GRAMD1B: variants seen among roughly 807,000 people sequenced by gnomAD.
The protein encoded by GRAMD1B is GRAM domain containing 1B, also known as protein Aster-B.
A neutral mutation model predicts 99.7 loss-of-function variants in GRAMD1B; 37 were observed. That is an observed-to-expected ratio of 0.37 (90% CI 0.29 to 0.49). The LOEUF (loss-of-function observed/expected upper bound fraction) is 0.49, where lower values mean the gene tolerates loss of function less well. Ranked by LOEUF, GRAMD1B falls within the 20% of genes least tolerant of loss-of-function variation. The pLI is 0.98. For missense variants in GRAMD1B, 888 were observed against 1,009.2 expected, an observed-to-expected ratio of 0.88 and a Z score of 1.63; for synonymous variants, 427 against 387.6, an observed-to-expected ratio of 1.10 and a Z score of -1.19.
intron 1 of GRAMD1B, among the ~76,000 whole-genome samples, chr11:123,388,681 T>TTAAA (rs1444307896): frequency 3.3e-5 from 5 of 149,446 alleles, no homozygotes; most frequent in African/African-American, 1.3e-4. Context: ...AGACCCTGTT[T>TTAAA]CAAACAAACA....
In GRAMD1B at chr11:123,598,295, G is replaced by A. The variant is rs1951535559; in HGVS notation, c.970-2173G>A. 3.8e-6 allele frequency: 5 copies of A among 1,299,448 alleles called. No homozygotes were observed. In the South Asian group the frequency reaches 5.9e-5, roughly 15 times the overall value. 80.5% of individuals were successfully genotyped at this position (1,299,448 alleles called of 1,614,324 possible). ...CAGTAGGGAATGGGTTTGCCAAGTG[G>A]CCAAGTGGCAGGTTTTTGGGGTTGT... On this transcript the variant is annotated intron_variant, in intron 7 of 19. Coordinates refer to ENST00000635736, the MANE Select transcript of GRAMD1B (RefSeq NM_001387025.1).
At chr11:123,582,168 C>G (rs919383782) in intron 3 of GRAMD1B, among the ~76,000 whole-genome samples, 1 of 152,208 alleles carries the variant, frequency 6.6e-6, no homozygotes, top group Non-Finnish European at 1.5e-5. Flanking sequence ...TGGGAGGTGT[C>G]TTTTGTAATG....
intron 2 of GRAMD1B, among the ~76,000 whole-genome samples, chr11:123,485,135 G>A (rs1041991881): frequency 3.3e-5 from 5 of 152,096 alleles, no homozygotes; most frequent in Admixed American, 2.0e-4. Flanking sequence ...TCAAGGATGA[G>A]GTGGATATTA....
rs1200744881 is a variant in GRAMD1B at position 123,621,884 on chromosome 11, CTT to C, written c.2545-620_2545-619del. Among the ~76,000 whole-genome samples the C allele has an allele frequency of 1.3e-3, 76 of 56,432 alleles. No individual in the cohort carries two copies. The South Asian group carries it at 0.023, about 17-fold the overall frequency. 37.0% of individuals were successfully genotyped at this position (56,432 alleles called of 152,430 possible). ...TTCTTTCTTTTCTTTCTTTCTTTTTCTTTCTTTCTTTCTTTTTCTCTTTCTTT... is the reference window on the plus strand; with the variant it reads ...TTCTTTCTTTTCTTTCTTTCTTTTTCTCTTTCTTTCTTTTTCTCTTTCTTT... On this transcript the variant is annotated intron_variant, in intron 19 of 19. Coordinates refer to ENST00000635736, the MANE Select transcript of GRAMD1B (RefSeq NM_001387025.1).
chr11:123,540,450 A>G lies in GRAMD1B; in HGVS notation c.453-36917A>G, dbSNP rs1004244843. 7.2e-4 allele frequency among the ~76,000 whole-genome samples: 109 copies of G among 152,308 alleles called. 1 individual carries two copies. The highest frequency in any genetic ancestry group is 2.6e-3 in the African/African-American group (107 of 41,586). The stretch of plus-strand genomic sequence containing the variant: ...AGGCTTTACACATAGTTGGTGCTCA[A>G]AAAGTATTTGCTGGATAATTGATGA... On this transcript the variant is annotated intron_variant, in intron 2 of 19. Transcript: ENST00000635736.
intron 1 of GRAMD1B, among the ~76,000 whole-genome samples, chr11:123,407,916 C>T (rs967213917): frequency 1.3e-5 from 2 of 152,150 alleles, no homozygotes; most frequent in Non-Finnish European, 2.9e-5. Flanking sequence ...GGCTCATTGC[C>T]CACTAAGGGA....
intron 2 of GRAMD1B, among the ~76,000 whole-genome samples, chr11:123,533,072 C>G (rs868520435): frequency 6.6e-6 from 1 of 152,190 alleles, no homozygotes. Flanking sequence ...CTGGTTCAAG[C>G]GATTCTCCTG....
intron 8 of GRAMD1B, 39 bp downstream of exon 8, chr11:123,600,587 T>C (rs1306050025): frequency 7.6e-7 from 1 of 1,310,532 alleles, no homozygotes. Context: ...TGGGACTGGC[T>C]ATCTCTAGAG....
intron 2 of GRAMD1B, among the ~76,000 whole-genome samples, chr11:123,531,190 G>A (rs1490860857): frequency 6.6e-6 from 1 of 152,176 alleles, no homozygotes; most frequent in East Asian, 1.9e-4. Context: ...CTGTGGGATG[G>A]GAATTGGAGT....
rs1339902768 is a variant in GRAMD1B at position 123,430,616 on chromosome 11, G to C, written c.-177G>C. 6 of 477,506 alleles carry C rather than the reference G, an allele frequency of 1.3e-5. No individual in the cohort carries two copies. Among genetic ancestry groups the C allele is most frequent in the African/African-American group, 8.2e-5 (4 of 48,888 alleles). The allele number at this position is 477,506 out of a possible 1,614,324, so 29.6% of individuals were successfully genotyped here. A position where few individuals can be genotyped will look rare whatever the true frequency, so the allele number is the denominator to read the frequency against. ...GAAAAGTTAGACTCCGGGCGGCGGC[G>C]CGCTACGCCGCGTCCCCTCGCGTCC... On this transcript the variant is annotated 5_prime_UTR_variant, in exon 1 of 20. Coordinates refer to ENST00000635736, the MANE Select transcript of GRAMD1B (RefSeq NM_001387025.1).
At chr11:123,545,748 CTCT>C (rs896626735) in intron 2 of GRAMD1B, among the ~76,000 whole-genome samples, 4 of 4,550 alleles carry the variant, frequency 8.8e-4, no homozygotes, top group Non-Finnish European at 1.4e-3. Context: ...TGAAATCTTT[CTCT>C]TTTTTTTTTG....
At chr11:123,578,194 C>T (rs1024159456) in intron 3 of GRAMD1B, among the ~76,000 whole-genome samples, 8 of 152,136 alleles carry the variant, frequency 5.3e-5, no homozygotes, top group Admixed American at 2.6e-4. Flanking sequence ...CTTCCCCACC[C>T]TCGGTCCTTT....
chr11:123,412,957 T>A (rs1403895039), intron 1 of GRAMD1B, among the ~76,000 whole-genome samples: 1 of 152,096 alleles, frequency 6.6e-6, no homozygotes, highest in Admixed American at 6.6e-5. Flanking sequence ...AATTTTTGTA[T>A]TTTTAGTAGC....
intron 11 of GRAMD1B, 75 bp downstream of exon 11, chr11:123,606,873 C>A: frequency 8.8e-7 from 1 of 1,142,852 alleles, no homozygotes; most frequent in Non-Finnish European, 1.3e-6. Flanking sequence ...TATGTGGGGA[C>A]TGTAGTTAGT....
chr11:123,387,938 A>G (rs1947127167), intron 1 of GRAMD1B, among the ~76,000 whole-genome samples: 1 of 151,948 alleles, frequency 6.6e-6, no homozygotes, highest in Non-Finnish European at 1.5e-5. Context: ...AGCCTGGCCA[A>G]CATGGCAAAA....
At chr11:123,457,134 A>AAAGAAAGAAAGAAAGAAAGGAAGG (rs1555124313) in intron 1 of GRAMD1B, among the ~76,000 whole-genome samples, 2 of 147,488 alleles carry the variant, frequency 1.4e-5, no homozygotes, top group Non-Finnish European at 3.0e-5. Flanking sequence ...AGAAAGAAAG[A>AAAGAAAGAAAGAAAGAAAGGAAGG]AAGAATTAGA....
Position 123,587,220 on chromosome 11 carries a change from G to C in GRAMD1B, c.684+2888G>C, listed in dbSNP as rs557299094. On this transcript the variant is annotated intron_variant, in intron 4 of 19. Transcript: ENST00000635736. The surrounding 1 kb of genome is among the most constrained non-coding windows in gnomAD (Gnocchi z 4.2). Reference sequence around the variant, plus strand: ...GGTCTAAAGAGTGAGTCATGCGGAGGCAAGTGGCTGGACCCCAGGGACACA... The same window carrying C: ...GGTCTAAAGAGTGAGTCATGCGGAGCCAAGTGGCTGGACCCCAGGGACACA... 4.1e-4 allele frequency among the ~76,000 whole-genome samples: 62 copies of C among 152,322 alleles called. No individual in the cohort carries two copies. Among genetic ancestry groups the C allele is most frequent in the African/African-American group, 1.3e-3 (54 of 41,570 alleles).
At chr11:123,593,680 A>T (rs1425461185) in intron 4 of GRAMD1B, among the ~76,000 whole-genome samples, 1 of 152,122 alleles carries the variant, frequency 6.6e-6, no homozygotes, top group Non-Finnish European at 1.5e-5. Flanking sequence ...GGGCAACATC[A>T]TGGGGGGCTG....
At chr11:123,551,199 C>T (rs1337095637) in intron 2 of GRAMD1B, among the ~76,000 whole-genome samples, 1 of 152,212 alleles carries the variant, frequency 6.6e-6, no homozygotes, top group East Asian at 1.9e-4. Flanking sequence ...TGTATCCTCT[C>T]CTGGACTAGT....
Sources: gnomAD v4.1 joint callset for allele counts (sites outside exome capture counted in the v4.1 genomes callset) on GRCh38, gnomAD v4.1.1 for gene constraint, Gnocchi (gnomAD v3.1) non-coding constraint, MANE v1.5 for transcripts, NCBI Gene and HGNC (gene_info 2026-07-23, HGNC 2026-07-21) for gene names.